The following LDB2 variants were observed in gnomAD, a reference collection of about 807,000 sequenced individuals.
LDB2 encodes the protein LIM domain-binding protein 2.
LDB2 carries 12 observed loss-of-function variants against 44.3 expected under a neutral mutation model. That is an observed-to-expected ratio of 0.27 (90% confidence interval 0.17 to 0.44). The LOEUF is 0.44. Among genes scored for constraint, LDB2 ranks in the 20% least tolerant of loss-of-function variants. The pLI is 1.00. For synonymous variants in LDB2, 164 were observed against 174.8 expected (o/e 0.94, Z 0.49); for missense variants, 344 against 473.5 (o/e 0.73, Z 2.54).
At chr4:16,739,604 ATATATGTATATATACATGTG>A (rs1762594292) in intron 2 of LDB2, among the ~76,000 whole-genome samples, 1 of 89,264 alleles carries the variant, frequency 1.1e-5, no homozygotes, top group African/African-American at 4.4e-5. Context: ...ATATATATAT[ATATATGTATATATACATGTG>A]TGTGTATATA....
intron 1 of LDB2, among the ~76,000 whole-genome samples, chr4:16,882,362 ACAGCAGAGTTCTTTCTTCTCTCCTTTT>A (rs1048710235): frequency 1.2e-4 from 18 of 152,232 alleles, no homozygotes; most frequent in South Asian, 8.3e-4. Flanking sequence ...AATAAAGCTA[ACAGCAGAGTTCTTTCTTCTCTCCTTTT>A]CAGCAGAGTT....
intron 1 of LDB2, among the ~76,000 whole-genome samples, chr4:16,848,447 G>C (rs892299184): frequency 2.0e-5 from 3 of 152,122 alleles, no homozygotes; most frequent in African/African-American, 7.2e-5. Flanking sequence ...TGTATTCCAT[G>C]GGTTTCCAGA....
At chr4:16,812,015 G>A (rs996077161) in intron 1 of LDB2, among the ~76,000 whole-genome samples, 1 of 152,052 alleles carries the variant, frequency 6.6e-6, no homozygotes, top group African/African-American at 2.4e-5. Flanking sequence ...TTGGCTACAG[G>A]GAAATTTACA....
intron 5 of LDB2, among the ~76,000 whole-genome samples, chr4:16,540,885 A>T (rs956358453): frequency 2.6e-5 from 4 of 152,122 alleles, no homozygotes; most frequent in African/African-American, 9.7e-5. Flanking sequence ...GAAAATGCAA[A>T]ATTTACAGAG....
chr4:16,571,488 G>C (rs941011950), intron 5 of LDB2, among the ~76,000 whole-genome samples: 4 of 150,996 alleles, frequency 2.6e-5, no homozygotes, highest in Non-Finnish European at 5.9e-5. Flanking sequence ...CAGTAGAAAT[G>C]ACTTCAATCC....
intron 3 of LDB2, 110 bp downstream of exon 3, chr4:16,595,593 G>A: frequency 2.2e-6 from 2 of 922,144 alleles, no homozygotes; most frequent in East Asian, 2.5e-5. Context: ...TGTTGAAAGT[G>A]TCTGGGAGAT....
At chr4:16,581,123 T>C (rs767272026) in intron 5 of LDB2, among the ~76,000 whole-genome samples, 5 of 152,220 alleles carry the variant, frequency 3.3e-5, no homozygotes, top group Non-Finnish European at 7.3e-5. Flanking sequence ...GAGCTCTGCA[T>C]ACAGGGGAAT....
chr4:16,646,271 T>G (rs1736772557), intron 2 of LDB2, among the ~76,000 whole-genome samples: 1 of 152,240 alleles, frequency 6.6e-6, no homozygotes, highest in Non-Finnish European at 1.5e-5. Flanking sequence ...TTTTTTTGTC[T>G]ATTTCTCTGC....
chr4:16,739,704 G>GTA lies in LDB2; in HGVS notation c.235+19453_235+19454insTA, dbSNP rs530901616. ...TGTATATATGTATATATACATATAT[G>GTA]TGTATATATGTATATATACATATAT... is the stretch of plus-strand genomic sequence containing the variant. On this transcript the variant is annotated intron_variant, in intron 2 of 7. Coordinates refer to ENST00000304523, the MANE Select transcript of LDB2 (RefSeq NM_001290.5). Among the ~76,000 whole-genome samples, 426 of 74,338 alleles carry GTA rather than the reference G, an allele frequency of 5.7e-3. 91 individuals carry two copies. The highest frequency in any genetic ancestry group is 0.02 in the African/African-American group (373 of 18,636). The allele number at this position is 74,338 out of a possible 152,430, so 48.8% of individuals were successfully genotyped here. A position where few individuals can be genotyped will look rare whatever the true frequency, so the allele number is the denominator to read the frequency against.
intron 1 of LDB2, among the ~76,000 whole-genome samples, chr4:16,791,005 T>C (rs1308543693): frequency 7.2e-5 from 11 of 152,176 alleles, no homozygotes; most frequent in African/African-American, 2.4e-4. Context: ...TTCTATTTTC[T>C]AGAAAAGCCC....
chr4:16,505,748 C>T, intron 7 of LDB2: 5 of 1,339,828 alleles, frequency 3.7e-6, no homozygotes, highest in Non-Finnish European at 5.0e-6. Context: ...CCCACAAGGC[C>T]AACTTCTGCT....
At chr4:16,544,420 A>G (rs1188108414) in intron 5 of LDB2, among the ~76,000 whole-genome samples, 1 of 152,082 alleles carries the variant, frequency 6.6e-6, no homozygotes, top group Admixed American at 6.6e-5. Context: ...AGGAGTTTGG[A>G]TTTCACTGTG....
intron 1 of LDB2, among the ~76,000 whole-genome samples, chr4:16,760,593 T>C (rs910072894): frequency 6.6e-6 from 1 of 151,796 alleles, no homozygotes; most frequent in African/African-American, 2.4e-5. Context: ...CAGAAACAAA[T>C]ATGTATTGGG....
chr4:16,711,644 T>C (rs1411564577), intron 2 of LDB2, among the ~76,000 whole-genome samples: 1 of 152,148 alleles, frequency 6.6e-6, no homozygotes, highest in Non-Finnish European at 1.5e-5. Flanking sequence ...GTTAGGATGA[T>C]GGGCTAGTAA....
At chr4:16,530,313 C>T (rs1034978216) in intron 5 of LDB2, among the ~76,000 whole-genome samples, 6 of 152,178 alleles carry the variant, frequency 3.9e-5, no homozygotes, top group Admixed American at 6.5e-5. Context: ...GTAACACTTT[C>T]CCCTTTTCAA....
At chr4:16,561,922 A>G (rs1249676663) in intron 5 of LDB2, among the ~76,000 whole-genome samples, 4 of 152,208 alleles carry the variant, frequency 2.6e-5, no homozygotes, top group Admixed American at 6.5e-5. Context: ...CCACATATCT[A>G]CAACTATCTG....
At chr4:16,677,923 G>A (rs1298155380) in intron 2 of LDB2, among the ~76,000 whole-genome samples, 1 of 152,242 alleles carries the variant, frequency 6.6e-6, no homozygotes, top group Non-Finnish European at 1.5e-5. Context: ...GAATTAGAAT[G>A]TCAGTTTCGG....
chr4:16,664,759 C>G (rs2152545354), intron 2 of LDB2, among the ~76,000 whole-genome samples: 1 of 152,310 alleles, frequency 6.6e-6, no homozygotes, highest in African/African-American at 2.4e-5. Flanking sequence ...TTTCAGGTGC[C>G]TGCATTGTAA....
intron 1 of LDB2, among the ~76,000 whole-genome samples, chr4:16,793,326 C>T (rs953313561): frequency 6.6e-6 from 1 of 152,124 alleles, no homozygotes; most frequent in Non-Finnish European, 1.5e-5. Context: ...CAGAATGAGG[C>T]TGGTGACCTG....
Sources: allele counts gnomAD v4.1 joint callset (sites outside exome capture counted in the v4.1 genomes callset), GRCh38; gene constraint gnomAD v4.1.1; transcripts MANE v1.5; gene names NCBI Gene and HGNC (gene_info 2026-07-23, HGNC 2026-07-21).